Variants in INTS9 observed in about 807,000 individuals in gnomAD.
INTS9 encodes protein related to CPSF subunits of 74 kDa.
Under a neutral mutation model 79.7 loss-of-function variants are expected in INTS9, and 55 were observed. The observed-to-expected ratio is 0.69, with a 90% CI of 0.56 to 0.86. INTS9 has a LOEUF of 0.86. Among genes scored for constraint, INTS9 ranks in the 40% least tolerant of loss-of-function variants. The pLI is 0.00. For missense variants in INTS9, 721 were observed against 831.5 expected, an observed-to-expected ratio of 0.87 and a Z score of 1.64; for synonymous variants, 319 against 325.2, an observed-to-expected ratio of 0.98 and a Z score of 0.20.
At position 28,846,740 on chromosome 8, in the gene INTS9, A is replaced by G; in HGVS notation, c.261+7T>C. 6.2e-7 allele frequency: 1 copy of G among 1,605,414 alleles called. No individual in the cohort carries two copies. Among genetic ancestry groups the G allele is most frequent in the Non-Finnish European group, 8.5e-7 (1 of 1,172,050 alleles). Reference sequence around the variant, plus strand: ...TGTTTCTACAATAAGATTCACCTTAATCTTACCTCTGGTAAACAGAATTCC... The same window carrying G: ...TGTTTCTACAATAAGATTCACCTTAGTCTTACCTCTGGTAAACAGAATTCC... On this transcript the variant is annotated splice_region_variant and intron_variant, in intron 4 of 16. Coordinates refer to ENST00000521022, the MANE Select transcript of INTS9 (RefSeq NM_018250.4).
intron 1 of INTS9, among the ~76,000 whole-genome samples, chr8:28,882,797 T>C (rs1809967729): frequency 1.3e-5 from 2 of 152,228 alleles, no homozygotes; most frequent in African/African-American, 4.8e-5. Flanking sequence ...TAAAAGTTCA[T>C]TCAAATGTGC....
chr8:28,849,954 TA>T, intron 3 of INTS9: 1 of 342,932 alleles, frequency 2.9e-6, no homozygotes, highest in East Asian at 4.5e-5. Context: ...TCTGTGGTGA[TA>T]AAAGGTATTT....
rs60033759 is a variant in INTS9, at chr8:28,786,226, C to T, written c.1098+1603G>A. On this transcript the variant is annotated intron_variant, in intron 11 of 16. Coordinates refer to ENST00000521022, the MANE Select transcript of INTS9 (RefSeq NM_018250.4). ...GGACTGTGTGAGTATACCACAAAATCCATGCTATTGTTGATGGGAATTTGA... is the reference window on the plus strand; with the variant it reads ...GGACTGTGTGAGTATACCACAAAATTCATGCTATTGTTGATGGGAATTTGA... Among the ~76,000 whole-genome samples, 1,352 of 152,158 alleles carry T rather than the reference C, an allele frequency of 8.9e-3. 18 individuals are homozygous for T. Among genetic ancestry groups the T allele is most frequent in the African/African-American group, 0.03 (1,230 of 41,486 alleles).
At chr8:28,793,162 C>T (rs956509007) in intron 10 of INTS9, among the ~76,000 whole-genome samples, 2 of 152,152 alleles carry the variant, frequency 1.3e-5, no homozygotes, top group African/African-American at 4.8e-5. Context: ...TAAATGCAGC[C>T]TAGACTGCCT....
intron 2 of INTS9, among the ~76,000 whole-genome samples, chr8:28,854,112 C>T (rs756263717): frequency 2.0e-5 from 3 of 151,996 alleles, no homozygotes; most frequent in Non-Finnish European, 2.9e-5. Context: ...ACCACAGACT[C>T]GAACTCCTGG....
chr8:28,820,412 T>A (rs562047064), intron 6 of INTS9, among the ~76,000 whole-genome samples: 31 of 152,234 alleles, frequency 2.0e-4, no homozygotes, highest in Middle Eastern at 3.2e-3. Context: ...TGGCTGGATA[T>A]GAAATTCTGG....
chr8:28,826,269 C>G (rs534817163), intron 6 of INTS9, among the ~76,000 whole-genome samples: 1 of 152,150 alleles, frequency 6.6e-6, no homozygotes, highest in Non-Finnish European at 1.5e-5. Flanking sequence ...GAGCATAGTG[C>G]CCAATATAAA....
chr8:28,849,400 T>C (rs146752128), intron 3 of INTS9, among the ~76,000 whole-genome samples: 34 of 152,146 alleles, frequency 2.2e-4, no homozygotes, highest in Admixed American at 6.5e-4. Context: ...TTTAATAGCC[T>C]CAAAGAGAAA....
chr8:28,779,138 CAGCAGG>C (rs1163879798), intron 12 of INTS9, among the ~76,000 whole-genome samples: 1 of 152,208 alleles, frequency 6.6e-6, no homozygotes, highest in Non-Finnish European at 1.5e-5. Flanking sequence ...CACCACTCAG[CAGCAGG>C]AGCAGGAGAC....
intron 1 of INTS9, among the ~76,000 whole-genome samples, chr8:28,875,993 G>A (rs1023326333): frequency 6.6e-6 from 1 of 152,126 alleles, no homozygotes; most frequent in Non-Finnish European, 1.5e-5. Flanking sequence ...TGGATACATA[G>A]CTTCAATCGA....
chr8:28,861,381 G>C (rs1329467996), intron 1 of INTS9, among the ~76,000 whole-genome samples: 1 of 152,114 alleles, frequency 6.6e-6, no homozygotes, highest in Non-Finnish European at 1.5e-5. Flanking sequence ...TGTTAAACTT[G>C]CTCCAAATAT....
intron 16 of INTS9, 163 bp downstream of exon 16, chr8:28,769,726 C>T: frequency 1.2e-6 from 1 of 852,774 alleles, no homozygotes; most frequent in South Asian, 1.8e-5. Context: ...TGCTTTCTTT[C>T]TCCTGGGTCT....
At chr8:28,847,450 T>TACCTCCACCACCACCACCACCACTACC (rs1563294304) in intron 3 of INTS9, among the ~76,000 whole-genome samples, 1 of 149,046 alleles carries the variant, frequency 6.7e-6, no homozygotes, top group African/African-American at 2.5e-5. Flanking sequence ...CTACCACCAC[T>TACCTCCACCACCACCACCACCACTACC]ACCTCCACCA....
intron 2 of INTS9, among the ~76,000 whole-genome samples, chr8:28,856,935 A>T (rs562988244): frequency 4.6e-5 from 7 of 152,088 alleles, no homozygotes; most frequent in African/African-American, 1.7e-4. Flanking sequence ...CGTGAACCCA[A>T]TGTTTAGCTC....
At chr8:28,882,731 A>T (rs1247154230) in intron 1 of INTS9, among the ~76,000 whole-genome samples, 1 of 152,194 alleles carries the variant, frequency 6.6e-6, no homozygotes, top group Non-Finnish European at 1.5e-5. Context: ...TACAATACCT[A>T]TTAAAGAATA....
At chr8:28,818,654 A>C in intron 6 of INTS9, among the ~76,000 whole-genome samples, 1 of 150,414 alleles carries the variant, frequency 6.6e-6, no homozygotes, top group South Asian at 2.1e-4. Context: ...TATCAGGATG[A>C]TGCTGGCCTC....
At chr8:28,807,322 C>T (rs193013365) in intron 8 of INTS9, among the ~76,000 whole-genome samples, 85 of 152,218 alleles carry the variant, frequency 5.6e-4, no homozygotes, top group Non-Finnish European at 1.0e-3. Context: ...AAAAGATAAT[C>T]CCTATCTCAT....
intron 4 of INTS9, among the ~76,000 whole-genome samples, chr8:28,838,382 T>C (rs1208566715): frequency 6.6e-6 from 1 of 152,112 alleles, no homozygotes; most frequent in Non-Finnish European, 1.5e-5. Flanking sequence ...TCTGCCCTTT[T>C]AAGTCCATCA....
intron 10 of INTS9, among the ~76,000 whole-genome samples, chr8:28,789,049 A>G (rs1803776644): frequency 6.6e-6 from 1 of 152,234 alleles, no homozygotes; most frequent in East Asian, 1.9e-4. Flanking sequence ...TTTGGTTTAA[A>G]AAAACATCAC....
Sources: gnomAD v4.1 joint callset for allele counts (sites outside exome capture counted in the v4.1 genomes callset) on GRCh38, gnomAD v4.1.1 for gene constraint, MANE v1.5 for transcripts, NCBI Gene and HGNC (gene_info 2026-07-23, HGNC 2026-07-21) for gene names.